Variants in ERP44 observed in about 807,000 individuals in gnomAD.
ERP44 encodes the protein endoplasmic reticulum resident protein 44.
ERP44 carries 25 observed loss-of-function variants against 53.4 expected under a neutral mutation model. The ratio of observed to expected loss-of-function variants is 0.47; its 90% CI spans 0.34 to 0.65. ERP44 has a LOEUF of 0.65. Ranked by LOEUF, ERP44 falls within the 30% of genes least tolerant of loss-of-function variation. ERP44 has a pLI of 0.01. For synonymous variants in ERP44, 145 were observed against 161.2 expected (o/e 0.90, Z 0.76); for missense variants, 338 against 493.2 (o/e 0.69, Z 2.98).
intron 10 of ERP44, among the ~76,000 whole-genome samples, chr9:99,989,361 C>A (rs1044572530): frequency 6.6e-6 from 1 of 152,210 alleles, no homozygotes; most frequent in African/African-American, 2.4e-5. Flanking sequence ...GCAATAATTG[C>A]CCTCCTGCAA....
chr9:100,068,728 G>T (rs1343467741), intron 1 of ERP44, among the ~76,000 whole-genome samples: 185 of 146,944 alleles, frequency 1.3e-3, no homozygotes, highest in African/African-American at 4.6e-3. Flanking sequence ...GCCTCTGCCC[G>T]GCCGCCCCTA....
intron 1 of ERP44, among the ~76,000 whole-genome samples, chr9:100,066,216 CACAAGT>C (rs1413408666): frequency 1.3e-5 from 2 of 152,200 alleles, no homozygotes; most frequent in Non-Finnish European, 1.5e-5. Flanking sequence ...CAAATATGAA[CACAAGT>C]ACAAGTAAGA....
intron 4 of ERP44, among the ~76,000 whole-genome samples, chr9:100,051,157 G>A (rs1311481490): frequency 6.6e-6 from 1 of 152,158 alleles, no homozygotes; most frequent in Admixed American, 6.5e-5. Context: ...AATATGGGGT[G>A]GGGCTCAGAA....
At chr9:100,013,357 A>G (rs926497517) in intron 8 of ERP44, among the ~76,000 whole-genome samples, 15 of 152,048 alleles carry the variant, frequency 9.9e-5, no homozygotes, top group African/African-American at 3.4e-4. Context: ...TACTACTGGG[A>G]AAATTAGAAA....
At chr9:100,079,668 A>T (rs28448789) in intron 1 of ERP44, among the ~76,000 whole-genome samples, 4 of 151,904 alleles carry the variant, frequency 2.6e-5, no homozygotes, top group Non-Finnish European at 4.4e-5. Context: ...TCAGGCCAGG[A>T]GCAGTGGCTC....
In ERP44 at chr9:100,003,156, A is replaced by G. The variant is rs564972734; in HGVS notation, c.1016+3350T>C. Among the ~76,000 whole-genome samples, 17 of 152,302 alleles carry G rather than the reference A, an allele frequency of 1.1e-4. No individual in the cohort carries two copies. The East Asian group carries it at 2.9e-3, about 26-fold the overall frequency. On this transcript the variant is annotated intron_variant, in intron 10 of 11. Coordinates refer to ENST00000262455, the MANE Select transcript of ERP44 (RefSeq NM_015051.3). Reference sequence around the variant, plus strand: ...AATTTTTAAGAAATATATAATTTCAATCTCTCTGGTAAACTTCTCATTTTG... The same window carrying G: ...AATTTTTAAGAAATATATAATTTCAGTCTCTCTGGTAAACTTCTCATTTTG...
At chr9:100,094,849 A>G (rs1437231483) in intron 1 of ERP44, among the ~76,000 whole-genome samples, 5 of 151,730 alleles carry the variant, frequency 3.3e-5, no homozygotes, top group African/African-American at 1.2e-4. Flanking sequence ...CTGTAGTCCC[A>G]GAGTCCCAGC....
At chr9:99,985,340 C>CA (rs1333034958) in intron 10 of ERP44, among the ~76,000 whole-genome samples, 5 of 152,108 alleles carry the variant, frequency 3.3e-5, no homozygotes, top group Admixed American at 1.3e-4. Context: ...TGCTGTACCC[C>CA]AAATTAACCA....
At chr9:100,019,553 T>C (rs540607196) in intron 6 of ERP44, among the ~76,000 whole-genome samples, 51 of 151,488 alleles carry the variant, frequency 3.4e-4, no homozygotes, top group African/African-American at 1.1e-3. Context: ...CATGAGCCAA[T>C]GAAAAGAGAA....
chr9:100,031,977 G>A (rs1825795683), intron 4 of ERP44, among the ~76,000 whole-genome samples: 1 of 152,116 alleles, frequency 6.6e-6, no homozygotes, highest in South Asian at 2.1e-4. Flanking sequence ...TTTTGGGCAT[G>A]CTTAATGGCA....
chr9:100,016,039 C>T (rs1830522350), intron 8 of ERP44, among the ~76,000 whole-genome samples: 1 of 152,180 alleles, frequency 6.6e-6, no homozygotes, highest in South Asian at 2.1e-4. Flanking sequence ...AACAGGGATC[C>T]TCAACCAACA....
At chr9:99,993,635 T>C (rs1345258603) in intron 10 of ERP44, among the ~76,000 whole-genome samples, 2 of 152,124 alleles carry the variant, frequency 1.3e-5, no homozygotes, top group African/African-American at 4.8e-5. Context: ...CCAAAAGCAA[T>C]GGCAACAAAA....
intron 3 of ERP44, among the ~76,000 whole-genome samples, chr9:100,053,385 A>G (rs1248176645): frequency 6.6e-6 from 1 of 152,186 alleles, no homozygotes; most frequent in African/African-American, 2.4e-5. Flanking sequence ...ACTGTCCCTT[A>G]ATCAAGCCAA....
intron 4 of ERP44, among the ~76,000 whole-genome samples, chr9:100,049,219 G>T (rs1826009728): frequency 6.6e-6 from 1 of 152,078 alleles, no homozygotes; most frequent in African/African-American, 2.4e-5. Flanking sequence ...AGACCAGCCT[G>T]GGCAACATAA....
chr9:100,013,856 C>G (rs533808759), intron 8 of ERP44, among the ~76,000 whole-genome samples: 1 of 152,148 alleles, frequency 6.6e-6, no homozygotes, highest in African/African-American at 2.4e-5. Flanking sequence ...ATGTTCATAG[C>G]AGCATTATTC....
intron 2 of ERP44, among the ~76,000 whole-genome samples, chr9:100,059,300 C>A (rs1364828838): frequency 1.3e-5 from 2 of 152,220 alleles, no homozygotes; most frequent in Non-Finnish European, 2.9e-5. Context: ...CACATCTTCA[C>A]CTTTCCTTTA....
chr9:99,994,687 C>CT (rs1830292189), intron 10 of ERP44, among the ~76,000 whole-genome samples: 1 of 152,138 alleles, frequency 6.6e-6, no homozygotes, highest in Non-Finnish European at 1.5e-5. Context: ...ACTTGTATGT[C>CT]TATTTCTAGA....
At chr9:100,035,505 A>G (rs767872381) in intron 4 of ERP44, among the ~76,000 whole-genome samples, 24 of 152,152 alleles carry the variant, frequency 1.6e-4, no homozygotes, top group Non-Finnish European at 2.6e-4. Flanking sequence ...GTGAAACGCC[A>G]TCTCTACTAA....
intron 1 of ERP44, among the ~76,000 whole-genome samples, chr9:100,065,016 T>C (rs1587978837): frequency 6.6e-6 from 1 of 152,146 alleles, no homozygotes; most frequent in East Asian, 1.9e-4. Flanking sequence ...TTAAAATACG[T>C]TTAGTATTGC....
Sources: allele counts gnomAD v4.1 joint callset (sites outside exome capture counted in the v4.1 genomes callset), GRCh38; gene constraint gnomAD v4.1.1; transcripts MANE v1.5; gene names NCBI Gene and HGNC (gene_info 2026-07-23, HGNC 2026-07-21).